STOX1: variants seen among roughly 807,000 people sequenced by gnomAD.
STOX1 encodes the protein storkhead-box protein 1.
STOX1 carries 57 observed loss-of-function variants against 74.8 expected under a neutral mutation model. The observed-to-expected ratio is 0.76, with a 90% CI of 0.62 to 0.95. STOX1 has a LOEUF of 0.95. STOX1 is among the 40% of genes least tolerant of loss of function. The pLI is 0.00. For missense variants in STOX1, 1,010 were observed against 1,117.0 expected, an observed-to-expected ratio of 0.90 and a Z score of 1.37; for synonymous variants, 375 against 401.3, an observed-to-expected ratio of 0.93 and a Z score of 0.78.
chr10:68,880,577 GACC>G (rs1202791485), intron 1 of STOX1, among the ~76,000 whole-genome samples: 1 of 151,788 alleles, frequency 6.6e-6, no homozygotes, highest in Non-Finnish European at 1.5e-5. Flanking sequence ...TGATACTGTT[GACC>G]ACTATTTTTT....
chr10:68,886,354 G>C lies in STOX1; in HGVS notation c.2558G>C (p.Arg853Thr). The change falls in exon 3 of 4, where the codon AGA (arginine) becomes ACA (threonine). Residue 853 changes from arginine (R) to threonine (T), a missense_variant. Arg to Thr is a moderately conservative substitution (Grantham distance 71, BLOSUM62 -1). Transcript: ENST00000298596. ...CAGGCCTCAGCACCTGCTGATGAAAGAATCTTTGATTACTATAGCGCAAGA... is the reference window on the plus strand; with the variant it reads ...CAGGCCTCAGCACCTGCTGATGAAACAATCTTTGATTACTATAGCGCAAGA... ...CVQASAPADE[R>T]IFDYYSARKA... 6.2e-7 allele frequency: 1 copy of C among 1,614,180 alleles called. No homozygotes were observed. The highest frequency in any genetic ancestry group is 8.5e-7 in the Non-Finnish European group (1 of 1,180,046).
chr10:68,885,758 T>G lies in STOX1; in HGVS notation c.1962T>G (p.Ser654=), dbSNP rs1357869371. The G allele has an allele frequency of 6.2e-7, 1 of 1,614,178 alleles. No homozygotes were observed. Among genetic ancestry groups the G allele is most frequent in the East Asian group, 2.2e-5 (1 of 44,884 alleles). Residue 654 remains serine, a synonymous_variant, in exon 3 of 4, where the codon TCT becomes TCG. Coordinates refer to ENST00000298596, the MANE Select transcript of STOX1 (RefSeq NM_152709.5). ...RGASFSDRTP[S]ACRLVDNTIH... ...CCTCCTTTTCAGACCGAACACCCTC[T>G]GCTTGTAGATTAGTGGATAACACAA...
In STOX1 at chr10:68,892,665, G is replaced by A. The variant is rs757572204; in HGVS notation, c.2899G>A (p.Glu967Lys). ...AAGACAGAATTTTCTGCAAAATGTC[G>A]AAGGCACAAAGAGCAGTCAACCACT... ...KRRQNFLQNV[E>K]GTKSSQPLTS... The change falls in exon 4 of 4, where the codon GAA (glutamate) becomes AAA (lysine). Residue 967 changes from glutamate (E) to lysine (K), a missense_variant. Glu to Lys is a moderately conservative substitution (Grantham distance 56). Coordinates refer to ENST00000298596, the MANE Select transcript of STOX1 (RefSeq NM_152709.5). 1.6e-5 allele frequency: 26 copies of A among 1,613,700 alleles called. No individual in the cohort carries two copies. The African/African-American group carries it at 2.0e-4, about 12-fold the overall frequency.
At chr10:68,845,971 T>G (rs1839835494) in intron 1 of STOX1, among the ~76,000 whole-genome samples, 1 of 151,980 alleles carries the variant, frequency 6.6e-6, no homozygotes, top group Non-Finnish European at 1.5e-5. Flanking sequence ...ACTCCTGGGC[T>G]CAAGTGATCC....
Position 68,885,533 on chromosome 10 carries a change from A to T in STOX1, c.1737A>T (p.Arg579Ser). ...PTVKPINDDF[R>S]GHLFSHPQQS... Reference sequence around the variant, plus strand: ...TCAAACCCATCAATGATGACTTCAGAGGTCACCTCTTCAGTCACCCTCAAC... The same window carrying T: ...TCAAACCCATCAATGATGACTTCAGTGGTCACCTCTTCAGTCACCCTCAAC... The change falls in exon 3 of 4, where the codon AGA becomes AGT. Residue 579 changes from arginine (R) to serine (S), a missense_variant. Physicochemically the swap from Arg to Ser is moderately radical, Grantham distance 110 (BLOSUM62 -1). Transcript: ENST00000298596. 1 of 1,614,244 alleles carries T rather than the reference A, an allele frequency of 6.2e-7. No homozygotes were observed. Among genetic ancestry groups the T allele is most frequent in the Non-Finnish European group, 8.5e-7 (1 of 1,180,042 alleles).
intron 1 of STOX1, among the ~76,000 whole-genome samples, chr10:68,847,321 A>G (rs981286123): frequency 2.0e-5 from 3 of 152,198 alleles, no homozygotes; most frequent in African/African-American, 7.2e-5. Flanking sequence ...GAGCATCAGC[A>G]GACACATGTT....
intron 1 of STOX1, among the ~76,000 whole-genome samples, chr10:68,869,536 G>T (rs1427107810): frequency 6.6e-6 from 1 of 152,172 alleles, no homozygotes; most frequent in African/African-American, 2.4e-5. Flanking sequence ...GAAACGCTGA[G>T]GTATGGGGAA....
intron 1 of STOX1, among the ~76,000 whole-genome samples, chr10:68,866,610 A>C (rs78428495): frequency 0.013 from 1,932 of 152,268 alleles, 38 homozygotes; most frequent in African/African-American, 0.044. Flanking sequence ...ATCCCAGTCA[A>C]TCACTCCTGT....
chr10:68,887,760 A>C (rs1589238985), intron 3 of STOX1, among the ~76,000 whole-genome samples: 2 of 146,794 alleles, frequency 1.4e-5, no homozygotes, highest in East Asian at 4.1e-4. Flanking sequence ...CACCCAGCTA[A>C]TTTTTGTATT....
At chr10:68,894,129 G>A (rs925098317), downstream of STOX1, among the ~76,000 whole-genome samples, 2 of 151,428 alleles carry the variant, frequency 1.3e-5, no homozygotes, top group East Asian at 1.9e-4. Flanking sequence ...GTGTAATCTC[G>A]GTTTACTGCA....
chr10:68,849,677 C>T (rs549894672), intron 1 of STOX1, among the ~76,000 whole-genome samples: 1 of 152,200 alleles, frequency 6.6e-6, no homozygotes, highest in South Asian at 2.1e-4. Context: ...AGCGCTTGTA[C>T]ACAGAAAGCT....
At chr10:68,877,744 C>G (rs1288494866) in intron 1 of STOX1, among the ~76,000 whole-genome samples, 3 of 152,312 alleles carry the variant, frequency 2.0e-5, no homozygotes, top group South Asian at 2.1e-4. Flanking sequence ...TGTTCTCCCC[C>G]ACCCCACCTC....
At chr10:68,851,331 G>C (rs976861987) in intron 1 of STOX1, among the ~76,000 whole-genome samples, 1 of 151,244 alleles carries the variant, frequency 6.6e-6, no homozygotes, top group African/African-American at 2.4e-5. Flanking sequence ...AAAGAGTGGA[G>C]AAAGGGAGAT....
At chr10:68,831,470 C>G (rs763864393) in intron 1 of STOX1, among the ~76,000 whole-genome samples, 3 of 152,130 alleles carry the variant, frequency 2.0e-5, no homozygotes, top group Non-Finnish European at 4.4e-5. Context: ...CAGGCATGAG[C>G]CACTGCGCCT....
chr10:68,874,725 A>G (rs1024119672), intron 1 of STOX1, among the ~76,000 whole-genome samples: 12 of 151,942 alleles, frequency 7.9e-5, no homozygotes, highest in Non-Finnish European at 1.6e-4. Flanking sequence ...GATTTAAACA[A>G]TGGCTGCCTG....
intron 1 of STOX1, among the ~76,000 whole-genome samples, chr10:68,872,001 A>G (rs1057403981): frequency 6.6e-6 from 1 of 152,184 alleles, no homozygotes; most frequent in African/African-American, 2.4e-5. Context: ...TGAACAAAAC[A>G]TCCTTTTTTT....
chr10:68,885,431 T>C lies in STOX1; in HGVS notation c.1635T>C (p.Gly545=). The change falls in exon 3 of 4, where the codon GGT becomes GGC. Residue 545 remains glycine, a synonymous_variant. Coordinates refer to ENST00000298596, the MANE Select transcript of STOX1 (RefSeq NM_152709.5). ...TGGATTCCTCAAGAATCTTTGATGG[T>C]AAAGCCAAAGAGCCATATGCTGAAC... ...RSLDSSRIFD[G]KAKEPYAEQP... 6.2e-7 allele frequency: 1 copy of C among 1,614,140 alleles called. No individual in the cohort carries two copies. The highest frequency in any genetic ancestry group is 1.1e-5 in the South Asian group (1 of 91,076).
chr10:68,885,560 G>T lies in STOX1; in HGVS notation c.1764G>T (p.Gln588His), dbSNP rs754166174. The T allele has an allele frequency of 1.9e-5, 31 of 1,614,054 alleles. No homozygotes were observed. In the South Asian group the frequency reaches 3.2e-4, roughly 17 times the overall value. The change falls in exon 3 of 4, where the codon CAG becomes CAT. Residue 588 changes from glutamine to histidine, a missense_variant. Physicochemically the swap from Gln to His is conservative, Grantham distance 24. Coordinates refer to ENST00000298596, the MANE Select transcript of STOX1 (RefSeq NM_152709.5). ...FRGHLFSHPQ[Q>H]SMLQNDGKCC... The stretch of plus-strand genomic sequence containing the variant: ...GTCACCTCTTCAGTCACCCTCAACA[G>T]AGCATGTTGCAAAATGATGGTAAAT...
At chr10:68,837,571 T>C (rs1288052440) in intron 1 of STOX1, among the ~76,000 whole-genome samples, 1 of 152,242 alleles carries the variant, frequency 6.6e-6, no homozygotes, top group Non-Finnish European at 1.5e-5. Flanking sequence ...GCCTGAAGTA[T>C]GCATTATCTT....
Sources: allele counts gnomAD v4.1 joint callset (sites outside exome capture counted in the v4.1 genomes callset), GRCh38; gene constraint gnomAD v4.1.1; transcripts MANE v1.5; gene names NCBI Gene and HGNC (gene_info 2026-07-23, HGNC 2026-07-21).